The following CCDC30 variants were observed in gnomAD, a reference collection of about 807,000 sequenced individuals.
CCDC30 encodes the protein coiled-coil domain containing 30.
CCDC30 carries 70 observed loss-of-function variants against 100.2 expected under a neutral mutation model. The ratio of observed to expected loss-of-function variants is 0.70; its 90% CI spans 0.58 to 0.85. The LOEUF is 0.85. Among genes scored for constraint, CCDC30 ranks in the 40% least tolerant of loss-of-function variants. CCDC30 has a pLI of 0.00. For missense variants in CCDC30, 652 were observed against 771.2 expected (o/e 0.85, Z 1.83); for synonymous variants, 233 against 269.5 (o/e 0.86, Z 1.33).
intron 9 of CCDC30, among the ~76,000 whole-genome samples, chr1:42,582,775 A>G (rs1017138949): frequency 2.0e-5 from 3 of 152,062 alleles, no homozygotes; most frequent in Non-Finnish European, 2.9e-5. Context: ...CATTTCTTTG[A>G]TTATGCTTTG....
At chr1:42,647,598 T>C (rs1373013825) in intron 15 of CCDC30, among the ~76,000 whole-genome samples, 2 of 152,236 alleles carry the variant, frequency 1.3e-5, no homozygotes, top group Non-Finnish European at 2.9e-5. Context: ...CTGACACTTA[T>C]GGAACATACC....
intron 6 of CCDC30, among the ~76,000 whole-genome samples, chr1:42,514,307 T>C (rs1644522324): frequency 6.6e-6 from 1 of 152,236 alleles, no homozygotes; most frequent in South Asian, 2.1e-4. Context: ...TTTAACCTTC[T>C]GAGGAACTAC....
At chr1:42,582,252 C>A (rs1645983207) in intron 9 of CCDC30, among the ~76,000 whole-genome samples, 1 of 152,070 alleles carries the variant, frequency 6.6e-6, no homozygotes, top group Admixed American at 6.5e-5. Context: ...TATTTCTCAA[C>A]ATAAGCTCCA....
intron 6 of CCDC30, among the ~76,000 whole-genome samples, chr1:42,531,417 C>T (rs1336441657): frequency 1.3e-5 from 2 of 152,144 alleles, no homozygotes; most frequent in Non-Finnish European, 2.9e-5. Context: ...TACTGGTTAA[C>T]TTCATATGTC....
intron 3 of CCDC30, among the ~76,000 whole-genome samples, chr1:42,489,172 G>C (rs1437154552): frequency 2.6e-5 from 4 of 152,066 alleles, no homozygotes; most frequent in Admixed American, 6.6e-5. Flanking sequence ...TTACATCTTT[G>C]GCTCAGTGTA....
At chr1:42,550,910 G>A (rs777514048) in intron 6 of CCDC30, among the ~76,000 whole-genome samples, 4 of 152,134 alleles carry the variant, frequency 2.6e-5, no homozygotes, top group Admixed American at 6.5e-5. Flanking sequence ...AAGTTTCATC[G>A]TTAGCCACCC....
At chr1:42,500,802 C>T (rs965397041) in intron 6 of CCDC30, among the ~76,000 whole-genome samples, 59 of 152,038 alleles carry the variant, frequency 3.9e-4, no homozygotes, top group African/African-American at 1.4e-3. Flanking sequence ...ACCATGTTGC[C>T]CAAGCTCTCA....
chr1:42,551,533 A>G (rs528262371), intron 6 of CCDC30, among the ~76,000 whole-genome samples: 1 of 152,262 alleles, frequency 6.6e-6, no homozygotes, highest in African/African-American at 2.4e-5. Context: ...CGTGCTGGCT[A>G]TAGGACATGT....
At chr1:42,496,625 G>C (rs1644236834) in intron 4 of CCDC30, among the ~76,000 whole-genome samples, 1 of 152,104 alleles carries the variant, frequency 6.6e-6, no homozygotes, top group African/African-American at 2.4e-5. Flanking sequence ...AATAAAATTT[G>C]AGGTATTAAC....
chr1:42,556,493 A>G (rs1316009755), intron 6 of CCDC30, 88 bp downstream of exon 10: 13 of 1,394,858 alleles, frequency 9.3e-6, no homozygotes, highest in African/African-American at 1.5e-5. Flanking sequence ...CATCATTCAT[A>G]TATATGTTTT....
chr1:42,564,487 G>A (rs67724541), intron 6 of CCDC30, among the ~76,000 whole-genome samples: 57,969 of 151,152 alleles, frequency 0.38, 11,637 homozygotes, highest in East Asian at 0.59. Context: ...TAAGGGTTTC[G>A]CCATGTTGAC....
At chr1:42,559,488 G>T (rs1400313664) in intron 6 of CCDC30, among the ~76,000 whole-genome samples, 3 of 152,130 alleles carry the variant, frequency 2.0e-5, no homozygotes, top group Admixed American at 6.5e-5. Context: ...AGCAGGGGTT[G>T]CAATCCTAGT....
In CCDC30 at chr1:42,596,541, A is replaced by T. The variant is rs941471979; in HGVS notation, c.1164+7058A>T. On this transcript the variant is annotated intron_variant, in intron 10 of 16. Coordinates refer to ENST00000668663, the Ensembl canonical transcript of CCDC30. This position sits in a 1 kb window ranked among gnomAD's most constrained non-coding sequence, Gnocchi z 4.3. ...GAGGTGGGTGGAGAAAAAAAAAACT[A>T]GCACGTGTGAAATTTACAGTCCAGG... Among the ~76,000 whole-genome samples, 1 of 152,022 alleles carries T rather than the reference A, an allele frequency of 6.6e-6. No homozygotes were observed. The highest frequency in any genetic ancestry group is 1.5e-5 in the Non-Finnish European group (1 of 68,002).
intron 3 of CCDC30, 101 bp from the exon 4 acceptor site, chr1:42,490,057 G>C (rs1557801529): frequency 5.0e-6 from 2 of 403,500 alleles, no homozygotes; most frequent in African/African-American, 2.1e-5. Flanking sequence ...TAGGACAGTA[G>C]CCAGGTGAAA....
the CCDC30 span, chr1:42,456,470 C>T: frequency 7.7e-7 from 1 of 1,304,168 alleles, no homozygotes; most frequent in Admixed American, 3.2e-5. Flanking sequence ...AGTGAACCGC[C>T]CACTCAGTAC....
chr1:42,508,754 A>AG (rs1345175586), intron 6 of CCDC30, among the ~76,000 whole-genome samples: 1 of 152,138 alleles, frequency 6.6e-6, no homozygotes, highest in African/African-American at 2.4e-5. Flanking sequence ...AAGTTATCTT[A>AG]GGGCCTCTTA....
At chr1:42,538,726 C>T (rs1271295333) in intron 6 of CCDC30, among the ~76,000 whole-genome samples, 1 of 152,188 alleles carries the variant, frequency 6.6e-6, no homozygotes, top group Non-Finnish European at 1.5e-5. Context: ...CTTAAGATCT[C>T]TGAGCCTTAC....
chr1:42,503,238 A>C lies in CCDC30; in HGVS notation c.456+4322A>C, dbSNP rs116503320. 7.1e-3 allele frequency among the ~76,000 whole-genome samples: 1,080 copies of C among 152,264 alleles called. 16 individuals are homozygous for C. The highest frequency in any genetic ancestry group is 0.025 in the African/African-American group (1,018 of 41,540). ...AAATACCTGGGGTTCGTCATCTTACACTAAGAAGATTAAAGACAGAGACAC... is the reference window on the plus strand; with the variant it reads ...AAATACCTGGGGTTCGTCATCTTACCCTAAGAAGATTAAAGACAGAGACAC... On this transcript the variant is annotated intron_variant, in intron 6 of 16. Transcript: ENST00000668663.
chr1:42,649,569 C>G (rs1648165066), intron 15 of CCDC30, among the ~76,000 whole-genome samples: 1 of 152,182 alleles, frequency 6.6e-6, no homozygotes, highest in Non-Finnish European at 1.5e-5. Flanking sequence ...CTCACCACTT[C>G]TATTTCATAT....
Sources: gnomAD v4.1 joint callset for allele counts (sites outside exome capture counted in the v4.1 genomes callset) on GRCh38, gnomAD v4.1.1 for gene constraint, Gnocchi (gnomAD v3.1) non-coding constraint, MANE v1.5 for transcripts, NCBI Gene and HGNC (gene_info 2026-07-23, HGNC 2026-07-21) for gene names.